The following CCSER1 variants were observed in gnomAD, a reference collection of about 807,000 sequenced individuals.
The protein encoded by CCSER1 is serine-rich coiled-coil domain-containing protein 1.
CCSER1 carries 41 observed loss-of-function variants against 82.0 expected under a neutral mutation model. The observed-to-expected ratio is 0.50, with a 90% CI of 0.39 to 0.65. The LOEUF is 0.65. Ranked by LOEUF, CCSER1 falls within the 30% of genes least tolerant of loss-of-function variation. The pLI is 0.00. For missense variants in CCSER1, 1,119 were observed against 1,064.2 expected, an observed-to-expected ratio of 1.05 and a Z score of -0.72; for synonymous variants, 414 against 383.9, an observed-to-expected ratio of 1.08 and a Z score of -0.92.
At chr4:90,621,477 T>A (rs79894890) in intron 5 of CCSER1, among the ~76,000 whole-genome samples, 2 of 151,746 alleles carry the variant, frequency 1.3e-5, no homozygotes, top group Non-Finnish European at 2.9e-5. Flanking sequence ...TTTTTTTTTT[T>A]CATCTTTATA....
chr4:90,688,831 G>A (rs904345764), intron 6 of CCSER1, among the ~76,000 whole-genome samples: 2 of 152,076 alleles, frequency 1.3e-5, no homozygotes, highest in Non-Finnish European at 2.9e-5. Flanking sequence ...AATCAATGGT[G>A]CTTTCAGATT....
intron 10 of CCSER1, among the ~76,000 whole-genome samples, chr4:91,567,843 G>A (rs1212654220): frequency 1.3e-5 from 2 of 151,860 alleles, no homozygotes; most frequent in Admixed American, 1.3e-4. Context: ...ATTTTAAATG[G>A]GGCATTTAGC....
chr4:90,551,788 T>G (rs1302635285), intron 5 of CCSER1, among the ~76,000 whole-genome samples: 1 of 151,232 alleles, frequency 6.6e-6, no homozygotes, highest in East Asian at 2.0e-4. Context: ...AAGGACAGTC[T>G]TTGTCTATCT....
chr4:91,109,568 A>G (rs72669216), intron 10 of CCSER1, among the ~76,000 whole-genome samples: 1 of 152,324 alleles, frequency 6.6e-6, no homozygotes, highest in Non-Finnish European at 1.5e-5. Flanking sequence ...TGCCTTGAAA[A>G]GAATATGACT....
chr4:90,757,596 C>T (rs74778044), intron 7 of CCSER1, among the ~76,000 whole-genome samples: 1,715 of 152,230 alleles, frequency 0.011, 37 homozygotes, highest in African/African-American at 0.039. Flanking sequence ...CGTAGTGCTC[C>T]AGAATCATGG....
chr4:91,210,915 A>T (rs1736764608), intron 10 of CCSER1, among the ~76,000 whole-genome samples: 1 of 151,958 alleles, frequency 6.6e-6, no homozygotes, highest in African/African-American at 2.4e-5. Flanking sequence ...AGAAATACAC[A>T]CTAAGTATTC....
rs1425469774 is a variant in CCSER1, at chr4:90,781,544, T to C, written c.2011-34218T>C. 3.1e-6 allele frequency: 3 copies of C among 981,360 alleles called. No individual in the cohort carries two copies. In the East Asian group the frequency reaches 3.4e-4, roughly 111 times the overall value. 60.8% of individuals were successfully genotyped at this position (981,360 alleles called of 1,614,324 possible). ...TTAAACTTGAAACACTTTTTTTTGA[T>C]AAAATATGAAATACATAAATGAGTT... On this transcript the variant is annotated intron_variant, in intron 7 of 10. Coordinates refer to ENST00000509176, the MANE Select transcript of CCSER1 (RefSeq NM_001145065.2).
intron 9 of CCSER1, among the ~76,000 whole-genome samples, chr4:91,083,792 G>A (rs1387670149): frequency 1.3e-5 from 2 of 152,090 alleles, no homozygotes; most frequent in East Asian, 3.9e-4. Flanking sequence ...AGGTGTAACA[G>A]TAGAAAACAT....
intron 10 of CCSER1, among the ~76,000 whole-genome samples, chr4:91,322,242 C>G (rs1346264938): frequency 1.3e-5 from 2 of 152,000 alleles, no homozygotes; most frequent in South Asian, 4.2e-4. Flanking sequence ...AGAATCTCTC[C>G]CCTCACTGAT....
intron 10 of CCSER1, among the ~76,000 whole-genome samples, chr4:91,168,721 A>G (rs1321762260): frequency 1.3e-5 from 2 of 152,156 alleles, no homozygotes; most frequent in African/African-American, 2.4e-5. Flanking sequence ...ACCATCGAGA[A>G]TGGGCCATGA....
chr4:91,496,815 CAATATATATTG>C (rs1198102289), intron 10 of CCSER1, among the ~76,000 whole-genome samples: 8 of 47,024 alleles, frequency 1.7e-4, no homozygotes, highest in African/African-American at 2.7e-4. Context: ...TATATATATT[CAATATATATTG>C]AATATATATT....
At chr4:91,526,692 C>A (rs1347262597) in intron 10 of CCSER1, among the ~76,000 whole-genome samples, 1 of 152,104 alleles carries the variant, frequency 6.6e-6, no homozygotes. Context: ...GCAACCTCTG[C>A]CTCCTCGGTT....
At chr4:90,777,319 T>G (rs1255561744) in intron 7 of CCSER1, among the ~76,000 whole-genome samples, 2 of 139,858 alleles carry the variant, frequency 1.4e-5, no homozygotes, top group Non-Finnish European at 3.0e-5. Context: ...GTAGTGCCAT[T>G]GTACTCCAGC....
chr4:90,845,707 C>CT (rs879272566), intron 8 of CCSER1, among the ~76,000 whole-genome samples: 4 of 150,234 alleles, frequency 2.7e-5, no homozygotes, highest in East Asian at 2.0e-4. Context: ...TTAGTTAGTG[C>CT]TTTTTTTTAA....
At chr4:91,079,047 G>A (rs1242707990) in intron 9 of CCSER1, among the ~76,000 whole-genome samples, 2 of 152,144 alleles carry the variant, frequency 1.3e-5, no homozygotes, top group Non-Finnish European at 2.9e-5. Context: ...AGCGAGGCAG[G>A]CCAACATTCA....
At chr4:91,215,332 A>G (rs1034952500) in intron 10 of CCSER1, among the ~76,000 whole-genome samples, 2 of 152,318 alleles carry the variant, frequency 1.3e-5, no homozygotes, top group South Asian at 2.1e-4. Context: ...AAAAGATACT[A>G]TACATATTTA....
chr4:91,237,786 T>A (rs1739133054), intron 10 of CCSER1, among the ~76,000 whole-genome samples: 1 of 152,182 alleles, frequency 6.6e-6, no homozygotes. Flanking sequence ...TTTAAGTGGT[T>A]CACTGTAAAG....
chr4:91,186,989 T>C (rs1391248473), intron 10 of CCSER1, among the ~76,000 whole-genome samples: 3 of 152,236 alleles, frequency 2.0e-5, no homozygotes, highest in Non-Finnish European at 2.9e-5. Context: ...GTTTTGGAGC[T>C]AGTTTATGGC....
At chr4:90,434,759 T>G (rs1758779380) in intron 4 of CCSER1, among the ~76,000 whole-genome samples, 1 of 152,178 alleles carries the variant, frequency 6.6e-6, no homozygotes, top group Non-Finnish European at 1.5e-5. Context: ...AGTTTTTGCT[T>G]TATCTTATTA....
Sources: allele counts gnomAD v4.1 joint callset (sites outside exome capture counted in the v4.1 genomes callset), GRCh38; gene constraint gnomAD v4.1.1; transcripts MANE v1.5; gene names NCBI Gene and HGNC (gene_info 2026-07-23, HGNC 2026-07-21).